The following RPL8 variants were observed in gnomAD, a reference collection of about 807,000 sequenced individuals.
RPL8 encodes the protein ribosomal protein L8, also known as large ribosomal subunit protein uL2.
For missense variants in RPL8, 248 were observed against 365.9 expected (o/e 0.68, Z 2.63); for synonymous variants, 182 against 143.2 (o/e 1.27, Z -1.94).
At chr8:144,791,720 C>A (rs759477783) in intron 2 of RPL8, 53 bp downstream of exon 2, 4 of 1,609,820 alleles carry the variant, frequency 2.5e-6, no homozygotes, top group East Asian at 4.5e-5. Flanking sequence ...ACTCCTCAGG[C>A]AACACCCAGA....
chr8:144,791,453 G>A lies in RPL8; in HGVS notation c.323C>T (p.Pro108Leu), dbSNP rs778198813. ...IGNVLPVGTMPEGTIVCCLEE... is the reference protein window; with the variant it reads ...IGNVLPVGTMLEGTIVCCLEE... ...CAGGCAGCACACGATTGTACCCTCA[G>A]GCATGGTGCCCACAGGGAGCACATT... Residue 108 changes from proline to leucine, a missense_variant, in exon 3 of 5, where the codon CCT becomes CTT. Coordinates refer to ENST00000528957, the MANE Select transcript of RPL8 (RefSeq NM_001317782.2). 3.7e-6 allele frequency: 6 copies of A among 1,613,922 alleles called. No individual in the cohort carries two copies. The highest frequency in any genetic ancestry group is 1.1e-5 in the South Asian group (1 of 91,082).
At chr8:144,790,078 C>T (rs1826445334) in intron 4 of RPL8, 116 bp from the exon 5 acceptor site, 18 of 1,253,048 alleles carry the variant, frequency 1.4e-5, no homozygotes, top group South Asian at 7.7e-5. Flanking sequence ...CAGCATGTGC[C>T]GCTAGACAAC....
At chr8:144,790,518 C>T (rs1275874091) in intron 3 of RPL8, 48 bp from the exon 4 acceptor site, 8 of 1,375,190 alleles carry the variant, frequency 5.8e-6, no homozygotes, top group South Asian at 1.2e-5. Flanking sequence ...GTCAGAGCAC[C>T]CCCACCTCCC....
rs966823092 is a variant in RPL8, at chr8:144,789,826, G to C, written c.752C>G (p.Thr251Ser). 6.2e-7 allele frequency: 1 copy of C among 1,613,380 alleles called. No individual in the cohort carries two copies. The highest frequency in any genetic ancestry group is 1.7e-5 in the Admixed American group (1 of 59,984). ...RRTGRLRGTK[T>S]VQEKEN The stretch of plus-strand genomic sequence containing the variant: ...GCACTAGTTCTCTTTCTCCTGCACA[G>C]TCTTGGTTCCCCGGAGACGTCCAGT... Residue 251 changes from threonine to serine, a missense_variant, in exon 5 of 5, where the codon ACT becomes AGT. By Grantham distance (58) the Thr-to-Ser change is moderately conservative. Coordinates refer to ENST00000528957, the MANE Select transcript of RPL8 (RefSeq NM_001317782.2).
Position 144,792,243 on chromosome 8 carries a change from A to G in RPL8, c.-114T>C. The stretch of plus-strand genomic sequence containing the variant: ...GAGGCCGCCGCGCCCACCACTCCCT[A>G]CCCTCTCCGCGGGCGCCCGCACCGG... On this transcript the variant is annotated 5_prime_UTR_variant, in exon 1 of 5. Transcript: ENST00000528957. The G allele has an allele frequency of 7.5e-7, 1 of 1,334,474 alleles. No individual in the cohort carries two copies. Among genetic ancestry groups the G allele is most frequent in the Non-Finnish European group, 9.6e-7 (1 of 1,040,236 alleles). 82.7% of individuals were successfully genotyped at this position (1,334,474 alleles called of 1,614,324 possible).
chr8:144,792,160 A>G lies in RPL8; in HGVS notation c.-31T>C. On this transcript the variant is annotated 5_prime_UTR_variant, in exon 1 of 5. It removes the in-frame stop codon of an upstream open reading frame in the 5' UTR. Transcript: ENST00000528957. ...CGGGTCCTGGGGGCGACTCACGATT[A>G]GCGCGGCCGGGCGGCCCGGGTACCC... 1 of 1,462,246 alleles carries G rather than the reference A, an allele frequency of 6.8e-7. No individual in the cohort carries two copies. Among genetic ancestry groups the G allele is most frequent in the Non-Finnish European group, 9.0e-7 (1 of 1,115,524 alleles). The allele number at this position is 1,462,246 out of a possible 1,614,324, so 90.6% of individuals were successfully genotyped here.
In RPL8 at chr8:144,791,917, G is replaced by A. The variant is rs879139814; in HGVS notation, c.139-3C>T. ...CGGCCCGGGTCGTGGATGATGTCCT[G>A]TGGGCAGAGGCGGCGTGAGTGCGGC... On this transcript the variant is annotated splice_region_variant and splice_polypyrimidine_tract_variant and intron_variant, in intron 1 of 4. Transcript: ENST00000528957. 6.2e-7 allele frequency: 1 copy of A among 1,612,802 alleles called. No individual in the cohort carries two copies. The highest frequency in any genetic ancestry group is 8.5e-7 in the Non-Finnish European group (1 of 1,179,670).
In RPL8 at chr8:144,790,554, C is replaced by T. The variant is rs541813709; in HGVS notation, c.500-84G>A. 4 of 1,043,076 alleles carry T rather than the reference C, an allele frequency of 3.8e-6. No individual in the cohort carries two copies. In the African/African-American group the frequency reaches 6.3e-5, roughly 16 times the overall value. 64.6% of individuals were successfully genotyped at this position (1,043,076 alleles called of 1,614,324 possible). On this transcript the variant is annotated intron_variant, in intron 3 of 4. Transcript: ENST00000528957. ...CTCAATCTCCTGTCATGCACCTTCC[C>T]AATACTGCATCCAACTACCCAGCAA...
chr8:144,789,975 A>T lies in RPL8; in HGVS notation c.616-13T>A. On this transcript the variant is annotated splice_polypyrimidine_tract_variant and intron_variant, in intron 4 of 4. Coordinates refer to ENST00000528957, the MANE Select transcript of RPL8 (RefSeq NM_001317782.2). ...GATGCTCCACAGGCTGCAGGCAGAG[A>T]AAGATGGCTTTAGAAACCTCTTCCC... 1 of 1,599,896 alleles carries T rather than the reference A, an allele frequency of 6.3e-7. No individual in the cohort carries two copies. The highest frequency in any genetic ancestry group is 8.5e-7 in the Non-Finnish European group (1 of 1,173,012).
chr8:144,790,271 GGACACCT>G, intron 4 of RPL8, 77 bp downstream of exon 4: 1 of 1,140,190 alleles, frequency 8.8e-7, no homozygotes, highest in African/African-American at 1.5e-5. Context: ...CCTCCTGCAG[GGACACCT>G]GTGGATGGGA....
At position 144,791,473 on chromosome 8, in the gene RPL8, C is replaced by T. The variant is rs1229679376; in HGVS notation, c.303G>A (p.Val101=). ...GKKAQLNIGN[V]LPVGTMPEGT... ...CCTCAGGCATGGTGCCCACAGGGAG[C>T]ACATTGCCAATGTTGAGCTGGGCTG... Residue 101 remains valine (V), a synonymous_variant, in exon 3 of 5, where the codon GTG becomes GTA. Coordinates refer to ENST00000528957, the MANE Select transcript of RPL8 (RefSeq NM_001317782.2). The T allele has an allele frequency of 1.2e-6, 2 of 1,613,774 alleles. No homozygotes were observed. The highest frequency in any genetic ancestry group is 1.3e-5 in the African/African-American group (1 of 75,040).
chr8:144,790,299 C>A (rs1432716012), intron 4 of RPL8, 56 bp downstream of exon 4: 3 of 1,432,880 alleles, frequency 2.1e-6, no homozygotes, highest in Non-Finnish European at 2.9e-6. Context: ...CTTGCCTACC[C>A]AACAGTGTGG....
chr8:144,790,269 AG>A lies in RPL8; in HGVS notation c.615+85del. 8 of 1,124,216 alleles carry A rather than the reference AG, an allele frequency of 7.1e-6. No homozygotes were observed. In the South Asian group the frequency reaches 7.9e-5, roughly 11 times the overall value. The allele number at this position is 1,124,216 out of a possible 1,614,324, so 69.6% of individuals were successfully genotyped here. A position where few individuals can be genotyped will look rare whatever the true frequency, so the allele number is the denominator to read the frequency against. ...CTCCCACCGTAGATCCCCCTCCTGC[AG>A]GGACACCTGTGGATGGGACTTGCCT... On this transcript the variant is annotated intron_variant, in intron 4 of 4. Transcript: ENST00000528957.
intron 3 of RPL8, 36 bp from the exon 4 acceptor site, chr8:144,790,506 C>T (rs201244720): frequency 8.0e-6 from 12 of 1,503,110 alleles, no homozygotes; most frequent in East Asian, 6.8e-5. Context: ...AACCCCCAGT[C>T]GGTCAGAGCA....
intron 3 of RPL8, 49 bp downstream of exon 3, chr8:144,791,228 A>T (rs1456436064): frequency 3.8e-6 from 6 of 1,569,414 alleles, no homozygotes; most frequent in Non-Finnish European, 5.3e-6. Flanking sequence ...CGGCACTCAC[A>T]GCATGTTCAC....
Position 144,790,139 on chromosome 8 carries a change from CTCCGT to C in RPL8, c.616-182_616-178del, listed in dbSNP as rs371532618. ...TCAGGCCCCCACTGCCCCTCCCAGC[CTCCGT>C]TTCTTGCGGAGAAACGGTGAAGGAG... On this transcript the variant is annotated intron_variant, in intron 4 of 4. Transcript: ENST00000528957. Among the ~76,000 whole-genome samples the C allele has an allele frequency of 3.2e-3, 484 of 152,322 alleles. 1 individual carries two copies. Among genetic ancestry groups the C allele is most frequent in the African/African-American group, 0.011 (459 of 41,566 alleles).
Position 144,792,270 on chromosome 8 carries a change from A to C in RPL8, c.-141T>G. On this transcript the variant is annotated 5_prime_UTR_variant, in exon 1 of 5. It removes an upstream start codon present in the reference 5' UTR. Transcript: ENST00000528957. ...CCTCTCCGCGGGCGCCCGCACCGGC[A>C]TCCTCTCAGGAGGGCCGGTCCGGGT... 1.6e-6 allele frequency: 2 copies of C among 1,229,846 alleles called. No individual in the cohort carries two copies. The highest frequency in any genetic ancestry group is 2.1e-6 in the Non-Finnish European group (2 of 947,286). 76.2% of individuals were successfully genotyped at this position (1,229,846 alleles called of 1,614,324 possible).
At chr8:144,791,527 A>C (rs757741307) in intron 2 of RPL8, 32 bp from the exon 3 acceptor site, 5 of 1,604,878 alleles carry the variant, frequency 3.1e-6, no homozygotes, top group Non-Finnish European at 4.3e-6. Context: ...GGCCGTCAGC[A>C]CAGTAAGAAA....
chr8:144,791,025 G>A (rs1047566980), intron 3 of RPL8: 1 of 550,498 alleles, frequency 1.8e-6, no homozygotes, highest in Non-Finnish European at 3.3e-6. Flanking sequence ...GAAGCCCACG[G>A]TAGAATCCAA....
Sources: allele counts gnomAD v4.1 joint callset (sites outside exome capture counted in the v4.1 genomes callset), GRCh38; gene constraint gnomAD v4.1.1; transcripts MANE v1.5; gene names NCBI Gene and HGNC (gene_info 2026-07-23, HGNC 2026-07-21).